SNAPIN: variants seen among roughly 807,000 people sequenced by gnomAD.
The protein encoded by SNAPIN is SNARE-associated protein Snapin.
Under a neutral mutation model 15.9 loss-of-function variants are expected in SNAPIN, and 16 were observed. The observed-to-expected ratio is 1.01, with a 90% CI of 0.68 to 1.53. The LOEUF is 1.53. Ranked by LOEUF, SNAPIN falls within the 40% of genes most tolerant of loss-of-function variation. The probability of loss-of-function intolerance (pLI) is 0.00; values close to 1 mark genes in which losing one functional copy is unlikely to be tolerated. For missense variants in SNAPIN, 186 were observed against 180.1 expected (o/e 1.03, Z -0.19); for synonymous variants, 83 against 76.2 (o/e 1.09, Z -0.46).
Position 153,658,709 on chromosome 1 carries a change from C to T in SNAPIN, c.-35C>T, listed in dbSNP as rs1669071104. The T allele has an allele frequency of 6.7e-7, 1 of 1,494,628 alleles. No homozygotes were observed. The highest frequency in any genetic ancestry group is 1.4e-5 in the African/African-American group (1 of 69,462). 92.6% of individuals were successfully genotyped at this position (1,494,628 alleles called of 1,614,324 possible). On this transcript the variant is annotated 5_prime_UTR_variant, in exon 1 of 4. Transcript: ENST00000368685. ...GGCGCGGCTCCGGTTCCCGGCGGCC[C>T]TCGCGGCAGGTTTCGGGCTTCAGGA...
chr1:153,659,376 T>C, intron 2 of SNAPIN, 72 bp from the exon 3 acceptor site: 1 of 1,368,396 alleles, frequency 7.3e-7, no homozygotes. Flanking sequence ...TTCCATCCCA[T>C]TACCAGCCTG....
In SNAPIN at chr1:153,660,331, C is replaced by CTT. The variant is rs534699445; in HGVS notation, c.309+781_309+782dup. Reference sequence around the variant, plus strand: ...AGCCACTGCACCCGGCCTGCCTGGCCTTTTTTTTTTTTTTTTTAAATAAAA... The same window carrying CTT: ...AGCCACTGCACCCGGCCTGCCTGGCCTTTTTTTTTTTTTTTTTTTAAATAAAA... On this transcript the variant is annotated intron_variant, in intron 3 of 3. Coordinates refer to ENST00000368685, the MANE Select transcript of SNAPIN (RefSeq NM_012437.6). Among the ~76,000 whole-genome samples the CTT allele has an allele frequency of 1.0e-2, 1,348 of 135,112 alleles. 22 individuals carry two copies. Among genetic ancestry groups the CTT allele is most frequent in the African/African-American group, 0.03 (1,093 of 36,156 alleles). The allele number at this position is 135,112 out of a possible 152,430, so 88.6% of individuals were successfully genotyped here. A position where few individuals can be genotyped will look rare whatever the true frequency, so the allele number is the denominator to read the frequency against.
intron 3 of SNAPIN, among the ~76,000 whole-genome samples, chr1:153,660,735 A>C (rs1391050473): frequency 6.8e-6 from 1 of 147,012 alleles, no homozygotes; most frequent in Non-Finnish European, 1.5e-5. Context: ...TCTTCCTGCC[A>C]CTTCCTCCTA....
Position 153,661,699 on chromosome 1 carries a change from T to TAC in SNAPIN, c.*401_*402dup, listed in dbSNP as rs1013723040. ...ACCTGTGACTTCTCATTTTCCTGTT[T>TAC]ACACTGGGGATTTGGAGGGGGCAGG... On this transcript the variant is annotated 3_prime_UTR_variant, in exon 4 of 4. Transcript: ENST00000368685. The TAC allele has an allele frequency of 6.1e-6, 1 of 162,866 alleles. No individual in the cohort carries two copies. The highest frequency in any genetic ancestry group is 1.4e-5 in the Non-Finnish European group (1 of 73,730). 10.1% of individuals were successfully genotyped at this position (162,866 alleles called of 1,614,324 possible). A position where few individuals can be genotyped will look rare whatever the true frequency, so the allele number is the denominator to read the frequency against.
At position 153,658,732 on chromosome 1, in the gene SNAPIN, G is replaced by A. The variant is rs559728502; in HGVS notation, c.-12G>A. ...CCCTCGCGGCAGGTTTCGGGCTTCA[G>A]GACAATTCGTGATGGCGGGGGCTGG... On this transcript the variant is annotated 5_prime_UTR_variant, in exon 1 of 4. Transcript: ENST00000368685. 1.5e-4 allele frequency: 237 copies of A among 1,553,920 alleles called. 4 individuals are homozygous for A. The South Asian group carries it at 2.7e-3, about 18-fold the overall frequency.
chr1:153,658,904 T>A lies in SNAPIN; in HGVS notation c.143+18T>A, dbSNP rs549474721. On this transcript the variant is annotated intron_variant, in intron 1 of 3. Coordinates refer to ENST00000368685, the MANE Select transcript of SNAPIN (RefSeq NM_012437.6). The stretch of plus-strand genomic sequence containing the variant: ...GCCGTCAGGTGCCCGGGAGGGAAGT[T>A]GGGGGCGGGGCCTGTCTCTCTGGCT... The A allele has an allele frequency of 2.5e-6, 4 of 1,608,778 alleles. No homozygotes were observed. The African/African-American group carries it at 5.4e-5, about 22-fold the overall frequency.
rs1345134239 is a variant in SNAPIN, at chr1:153,661,220, C to T, written c.330C>T (p.Asn110=). The T allele has an allele frequency of 3.1e-6, 5 of 1,613,614 alleles. No homozygotes were observed. Among genetic ancestry groups the T allele is most frequent in the South Asian group, 1.1e-5 (1 of 91,088 alleles). Residue 110 remains asparagine (N), a synonymous_variant, in exon 4 of 4, where the codon AAC becomes AAT. Transcript: ENST00000368685. ...QNAQERLRRL[N]HSVAKETARR... The stretch of plus-strand genomic sequence containing the variant: ...TGTAGGAACGACTGAGACGGCTAAA[C>T]CACAGTGTTGCCAAGGAAACAGCCC...
chr1:153,659,980 C>T (rs1669106874), intron 3 of SNAPIN, among the ~76,000 whole-genome samples: 1 of 152,036 alleles, frequency 6.6e-6, no homozygotes, highest in East Asian at 1.9e-4. Flanking sequence ...AGTGAGCTTC[C>T]CACCTTGGCC....
At chr1:153,661,066 G>A (rs891695910) in intron 3 of SNAPIN, 134 bp from the exon 4 acceptor site, 26 of 613,368 alleles carry the variant, frequency 4.2e-5, no homozygotes, top group Middle Eastern at 3.2e-4. Context: ...CACCATGCCC[G>A]GCCTACATTC....
At chr1:153,658,949 A>G (rs1669082807) in intron 1 of SNAPIN, 63 bp downstream of exon 1, 2 of 1,599,406 alleles carry the variant, frequency 1.3e-6, no homozygotes, top group East Asian at 2.2e-5. Flanking sequence ...CGGGGCCAAG[A>G]AAGTGTTCTG....
rs999711350 is a variant in SNAPIN at position 153,658,942 on chromosome 1, G to T, written c.143+56G>T. ...TGTCTCTCTGGCTTTGTAGGGGCGG[G>T]GCCAAGAAAGTGTTCTGGCTGGGAG... On this transcript the variant is annotated intron_variant, in intron 1 of 3. Transcript: ENST00000368685. 4 of 1,600,618 alleles carry T rather than the reference G, an allele frequency of 2.5e-6. No homozygotes were observed. The African/African-American group carries it at 5.4e-5, about 22-fold the overall frequency.
chr1:153,659,962 T>G (rs537094546), intron 3 of SNAPIN, among the ~76,000 whole-genome samples: 7 of 152,286 alleles, frequency 4.6e-5, no homozygotes, highest in African/African-American at 1.4e-4. Context: ...CTGGAACTCC[T>G]GGGCTCAAGT....
chr1:153,660,316 C>T (rs1272157517), intron 3 of SNAPIN, among the ~76,000 whole-genome samples: 1 of 150,742 alleles, frequency 6.6e-6, no homozygotes, highest in Non-Finnish European at 1.5e-5. Flanking sequence ...AGCCACTGCA[C>T]CCGGCCTGCC....
chr1:153,658,987 C>G (rs762017950), intron 1 of SNAPIN, 101 bp downstream of exon 1: 182 of 1,584,542 alleles, frequency 1.1e-4, no homozygotes, highest in Admixed American at 1.1e-3. Context: ...ATTTAGGAAA[C>G]TGATTCGAGG....
chr1:153,659,037 G>T, intron 1 of SNAPIN, 101 bp from the exon 2 acceptor site: 1 of 1,549,726 alleles, frequency 6.5e-7, no homozygotes, highest in Non-Finnish European at 8.9e-7. Flanking sequence ...GGAGGGTTCA[G>T]CGGAGGCCGG....
At position 153,658,780 on chromosome 1, in the gene SNAPIN, G is replaced by A. The variant is rs777087315; in HGVS notation, c.37G>A (p.Gly13Arg). 2.5e-6 allele frequency: 4 copies of A among 1,582,572 alleles called. No individual in the cohort carries two copies. Among genetic ancestry groups the A allele is most frequent in the Non-Finnish European group, 2.6e-6 (3 of 1,170,750 alleles). The stretch of plus-strand genomic sequence containing the variant: ...TGGTTCCGCCGCTGTATCGGGGGCA[G>A]GGACCCCGGTGGCGGGGCCCACAGG... ...GAGSAAVSGAGTPVAGPTGRD... is the reference protein window; with the variant it reads ...GAGSAAVSGARTPVAGPTGRD... Residue 13 changes from glycine to arginine, a missense_variant, in exon 1 of 4, where the codon GGG becomes AGG. Transcript: ENST00000368685.
In SNAPIN at chr1:153,660,651, GAA is replaced by G. The variant is rs936959398; in HGVS notation, c.310-528_310-527del. Among the ~76,000 whole-genome samples, 11 of 112,532 alleles carry G rather than the reference GAA, an allele frequency of 9.8e-5. 1 individual carries two copies. The highest frequency in any genetic ancestry group is 3.0e-4 in the South Asian group (1 of 3,378). The allele number at this position is 112,532 out of a possible 152,430, so 73.8% of individuals were successfully genotyped here. Reference sequence around the variant, plus strand: ...CAACAAGAGCGAAACTCCGTCTCGGGAAAAAAAAAAAAAAAAAAAAAAGACAG... The same window carrying G: ...CAACAAGAGCGAAACTCCGTCTCGGGAAAAAAAAAAAAAAAAAAAAGACAG... On this transcript the variant is annotated intron_variant, in intron 3 of 3. Transcript: ENST00000368685.
At chr1:153,658,700 C>G (rs1383289141), upstream of SNAPIN, 1 of 1,487,108 alleles carries the variant, frequency 6.7e-7, no homozygotes, top group Non-Finnish European at 8.9e-7. Flanking sequence ...GCTCCGGTTC[C>G]CGGCGGCCCT....
At chr1:153,660,358 G>C (rs1571331210) in intron 3 of SNAPIN, among the ~76,000 whole-genome samples, 1 of 128,860 alleles carries the variant, frequency 7.8e-6, no homozygotes, top group Non-Finnish European at 1.6e-5. Flanking sequence ...TAAATAAAAA[G>C]ACAGGATCGG....
Sources: allele counts gnomAD v4.1 joint callset (sites outside exome capture counted in the v4.1 genomes callset), GRCh38; gene constraint gnomAD v4.1.1; transcripts MANE v1.5; gene names NCBI Gene and HGNC (gene_info 2026-07-23, HGNC 2026-07-21).